MED12L: variants seen among roughly 807,000 people sequenced by gnomAD.
MED12L encodes mediator complex subunit 12L.
A neutral mutation model predicts 281.3 loss-of-function variants in MED12L; 60 were observed. The observed-to-expected ratio is 0.21, with a 90% CI of 0.17 to 0.26. MED12L has a LOEUF of 0.26. Ranked by LOEUF, MED12L falls within the 10% of genes least tolerant of loss-of-function variation. The probability of loss-of-function intolerance (pLI) is 1.00; values close to 1 mark genes in which losing one functional copy is unlikely to be tolerated. For missense variants in MED12L, 2,146 were observed against 2,680.9 expected, an observed-to-expected ratio of 0.80 and a Z score of 4.41; for synonymous variants, 974 against 987.2, an observed-to-expected ratio of 0.99 and a Z score of 0.25.
At chr3:151,281,085 G>C (rs903704947) in intron 16 of MED12L, among the ~76,000 whole-genome samples, 2 of 151,804 alleles carry the variant, frequency 1.3e-5, no homozygotes, top group Non-Finnish European at 2.9e-5. Flanking sequence ...ATCTTCATAT[G>C]TTTTTGAAAT....
chr3:151,338,060 G>A lies in MED12L; in HGVS notation c.2251-11999G>A, dbSNP rs745485640. The A allele has an allele frequency of 3.1e-6, 5 of 1,613,944 alleles. No individual in the cohort carries two copies. The African/African-American group carries it at 4.0e-5, about 13-fold the overall frequency. On this transcript the variant is annotated intron_variant, in intron 16 of 44. Transcript: ENST00000687756. ...TGCAGTCAAAGACATCCCGGGTTTG[G>A]CTCAGGGTGTAAGGAATTCGGGCAA...
intron 2 of MED12L, among the ~76,000 whole-genome samples, chr3:151,115,912 G>A (rs565759755): frequency 6.6e-6 from 1 of 151,372 alleles, no homozygotes; most frequent in Non-Finnish European, 1.5e-5. Flanking sequence ...ACAAAAATTA[G>A]CCGGGCATCG....
At position 151,432,966 on chromosome 3, in the gene MED12L, A is replaced by C; in HGVS notation, c.*162A>C. 1 of 570,872 alleles carries C rather than the reference A, an allele frequency of 1.8e-6. No homozygotes were observed. The highest frequency in any genetic ancestry group is 3.0e-6 in the Non-Finnish European group (1 of 335,606). 35.4% of individuals were successfully genotyped at this position (570,872 alleles called of 1,614,324 possible). A position where few individuals can be genotyped will look rare whatever the true frequency, so the allele number is the denominator to read the frequency against. ...CAAAAAAAAAAAAAGGTGTTTAAAC[A>C]AAAAGCCAAGGAGAAGTTGTGGTTT... On this transcript the variant is annotated 3_prime_UTR_variant, in exon 45 of 45. Transcript: ENST00000687756.
chr3:151,401,088 AT>A, intron 39 of MED12L, among the ~76,000 whole-genome samples: 1 of 152,262 alleles, frequency 6.6e-6, no homozygotes, highest in African/African-American at 2.4e-5. Context: ...TACTTTGTAG[AT>A]TTGAAATGTT....
Position 151,418,036 on chromosome 3 carries a change from TAC to T in MED12L, c.6408+1617_6408+1618del, listed in dbSNP as rs375370146. Among the ~76,000 whole-genome samples, 835 of 152,272 alleles carry T rather than the reference TAC, an allele frequency of 5.5e-3. 4 individuals carry two copies. The highest frequency in any genetic ancestry group is 0.012 in the South Asian group (56 of 4,816). On this transcript the variant is annotated intron_variant, in intron 43 of 44. Transcript: ENST00000687756. ...TCTAGTGTCCCGTACAAGAACGAGA[TAC>T]ACCTTTTGTTTTGAAATAATTTCAA...
At chr3:151,119,297 C>CTGCTT (rs1336809688) in intron 3 of MED12L, among the ~76,000 whole-genome samples, 1 of 146,438 alleles carries the variant, frequency 6.8e-6, no homozygotes, top group Non-Finnish European at 1.5e-5. Flanking sequence ...GCTGCTATAA[C>CTGCTT]AAAATACTTC....
chr3:151,132,625 A>T (rs1053703933), intron 5 of MED12L, among the ~76,000 whole-genome samples: 11 of 152,186 alleles, frequency 7.2e-5, no homozygotes, highest in Non-Finnish European at 1.2e-4. Flanking sequence ...CAAAGTTACT[A>T]TTCTACCCTT....
At chr3:151,326,066 T>A (rs1294994052) in intron 16 of MED12L, among the ~76,000 whole-genome samples, 2 of 152,244 alleles carry the variant, frequency 1.3e-5, no homozygotes, top group African/African-American at 4.8e-5. Context: ...AGTGCATAGC[T>A]AAAGGATTTT....
chr3:151,347,644 G>A (rs1317693157), intron 16 of MED12L, among the ~76,000 whole-genome samples: 1 of 152,128 alleles, frequency 6.6e-6, no homozygotes, highest in African/African-American at 2.4e-5. Context: ...GTGCCCTGGA[G>A]TCTTGGTGAA....
intron 36 of MED12L, among the ~76,000 whole-genome samples, chr3:151,386,224 A>G (rs550236713): frequency 1.2e-4 from 19 of 152,178 alleles, no homozygotes; most frequent in Non-Finnish European, 2.2e-4. Context: ...AGTCATGGTC[A>G]AGTTTGAGTT....
intron 5 of MED12L, among the ~76,000 whole-genome samples, chr3:151,148,650 C>T (rs1560094803): frequency 6.6e-6 from 1 of 152,122 alleles, no homozygotes; most frequent in Non-Finnish European, 1.5e-5. Flanking sequence ...TCAGGTGGAT[C>T]ACCTTAAAGA....
At chr3:151,416,097 G>T (rs1211823745) in intron 42 of MED12L, among the ~76,000 whole-genome samples, 3 of 152,190 alleles carry the variant, frequency 2.0e-5, no homozygotes, top group Non-Finnish European at 4.4e-5. Flanking sequence ...GATCCGTAGG[G>T]TTGGGGTGGT....
At chr3:151,233,110 C>T (rs1377421080) in intron 16 of MED12L, among the ~76,000 whole-genome samples, 5 of 152,172 alleles carry the variant, frequency 3.3e-5, no homozygotes, top group Non-Finnish European at 7.3e-5. Flanking sequence ...TGAGCAGCCC[C>T]ATTTCTTTCC....
intron 16 of MED12L, among the ~76,000 whole-genome samples, chr3:151,292,164 A>G (rs1427535714): frequency 6.6e-6 from 1 of 152,250 alleles, no homozygotes; most frequent in African/African-American, 2.4e-5. Flanking sequence ...AATAGCTTAT[A>G]TAAACACGAA....
chr3:151,226,751 T>C (rs1046688132), intron 16 of MED12L, among the ~76,000 whole-genome samples: 1 of 152,236 alleles, frequency 6.6e-6, no homozygotes, highest in African/African-American at 2.4e-5. Context: ...TACTGCGGCA[T>C]AGAGAACCTC....
intron 16 of MED12L, among the ~76,000 whole-genome samples, chr3:151,223,478 G>A (rs1729832676): frequency 1.3e-5 from 2 of 152,012 alleles, no homozygotes; most frequent in Non-Finnish European, 2.9e-5. Flanking sequence ...AAGAAAATAT[G>A]GTACATATAC....
chr3:151,178,157 C>CAAAAAAAAAAAAAA (rs10572929), intron 11 of MED12L, among the ~76,000 whole-genome samples: 36 of 49,168 alleles, frequency 7.3e-4, no homozygotes, highest in East Asian at 1.3e-3. Context: ...GACTTGGTCT[C>CAAAAAAAAAAAAAA]AAAAAAAAAA....
chr3:151,143,557 G>A (rs1717342472), intron 5 of MED12L, among the ~76,000 whole-genome samples: 1 of 152,192 alleles, frequency 6.6e-6, no homozygotes, highest in Non-Finnish European at 1.5e-5. Flanking sequence ...TCTTCAGAGT[G>A]GGGCTAGCAG....
intron 21 of MED12L, among the ~76,000 whole-genome samples, chr3:151,363,101 G>C (rs910405873): frequency 6.6e-6 from 1 of 152,002 alleles, no homozygotes; most frequent in Non-Finnish European, 1.5e-5. Flanking sequence ...GCTGGGCGTG[G>C]GGTGTGTGGA....
Sources: gnomAD v4.1 joint callset for allele counts (sites outside exome capture counted in the v4.1 genomes callset) on GRCh38, gnomAD v4.1.1 for gene constraint, MANE v1.5 for transcripts, NCBI Gene and HGNC (gene_info 2026-07-23, HGNC 2026-07-21) for gene names.